Variants in SMC6 observed in about 807,000 individuals in gnomAD.
The protein encoded by SMC6 is structural maintenance of chromosomes protein 6.
In SMC6, 79 loss-of-function variants were observed where a neutral mutation model predicts 142.2. That is an observed-to-expected ratio of 0.56 (90% CI 0.46 to 0.67). The LOEUF (loss-of-function observed/expected upper bound fraction) is 0.67, where lower values mean the gene tolerates loss of function less well. Ranked by LOEUF, SMC6 falls within the 30% of genes least tolerant of loss-of-function variation. The probability of loss-of-function intolerance (pLI) is 0.00; values close to 1 mark genes in which losing one functional copy is unlikely to be tolerated. For synonymous variants in SMC6, 411 were observed against 412.4 expected (o/e 1.00, Z 0.04); for missense variants, 1,072 against 1,284.0 (o/e 0.83, Z 2.52).
chr2:17,669,773 A>G (rs1483642777), intron 26 of SMC6, among the ~76,000 whole-genome samples: 1 of 152,214 alleles, frequency 6.6e-6, no homozygotes, highest in Admixed American at 6.5e-5. Context: ...AATAATTGCT[A>G]ATTTATGAGA....
In SMC6 at chr2:17,726,087, T is replaced by TAAAAAAAAAAAAAA. The variant is rs35471536; in HGVS notation, c.624+288_624+301dup. On this transcript the variant is annotated intron_variant, in intron 8 of 27. Coordinates refer to ENST00000448223, the MANE Select transcript of SMC6 (RefSeq NM_001142286.2). ...TGGAAGACAGAGCAAGGCTCTGTCTTAAAAAAAAAAAAAAAAAAAAAAAAA... is the reference window on the plus strand; with the variant it reads ...TGGAAGACAGAGCAAGGCTCTGTCTTAAAAAAAAAAAAAAAAAAAAAAAAAAAAAAAAAAAAAAA... Among the ~76,000 whole-genome samples the TAAAAAAAAAAAAAA allele has an allele frequency of 5.6e-4, 31 of 54,964 alleles. 3 individuals carry two copies. The highest frequency in any genetic ancestry group is 2.4e-3 in the African/African-American group (27 of 11,030). 36.1% of individuals were successfully genotyped at this position (54,964 alleles called of 152,430 possible).
chr2:17,748,254 C>A (rs1367977498), intron 2 of SMC6, among the ~76,000 whole-genome samples: 1 of 152,166 alleles, frequency 6.6e-6, no homozygotes, highest in Non-Finnish European at 1.5e-5. Flanking sequence ...CACCCTAGAG[C>A]AAGTGAATCA....
At chr2:17,722,643 T>C (rs1371197642) in intron 9 of SMC6, among the ~76,000 whole-genome samples, 1 of 152,160 alleles carries the variant, frequency 6.6e-6, no homozygotes, top group Non-Finnish European at 1.5e-5. Context: ...TCTATGAAGA[T>C]TATGTCATTA....
At chr2:17,749,453 G>C (rs1012265911) in intron 2 of SMC6, among the ~76,000 whole-genome samples, 1 of 152,198 alleles carries the variant, frequency 6.6e-6, no homozygotes, top group Non-Finnish European at 1.5e-5. Context: ...ACTTTGGGAG[G>C]CCAAGGCAGG....
In SMC6 at chr2:17,721,115, G is replaced by T. The variant is rs200233119; in HGVS notation, c.846+27C>A. The T allele has an allele frequency of 2.0e-3, 3,165 of 1,610,642 alleles. 6 individuals are homozygous for T. Among genetic ancestry groups the T allele is most frequent in the Admixed American group, 3.7e-3 (222 of 59,572 alleles). On this transcript the variant is annotated intron_variant, in intron 10 of 27. Coordinates refer to ENST00000448223, the MANE Select transcript of SMC6 (RefSeq NM_001142286.2). ...TACATTCTGCATATCACATAGATAC[G>T]TGAACAAGTAATTAAGTGATAATTA... is the stretch of plus-strand genomic sequence containing the variant.
chr2:17,703,774 CATACTGTATGGTATCAT>C (rs1213360555), intron 18 of SMC6, among the ~76,000 whole-genome samples: 1 of 151,994 alleles, frequency 6.6e-6, no homozygotes, highest in Non-Finnish European at 1.5e-5. Context: ...GAATATATGA[CATACTGTATGGTATCAT>C]ATACTGTATT....
chr2:17,666,318 A>T (rs1448285161), intron 27 of SMC6, 102 bp downstream of exon 27: 1 of 783,494 alleles, frequency 1.3e-6, no homozygotes, highest in African/African-American at 1.7e-5. Context: ...TTTTATTTTC[A>T]TTGGTCTTGT....
chr2:17,748,852 G>A (rs748302278), intron 2 of SMC6, among the ~76,000 whole-genome samples: 2 of 152,176 alleles, frequency 1.3e-5, no homozygotes, highest in African/African-American at 2.4e-5. Flanking sequence ...AATGGATAAC[G>A]CACTAGGGAA....
intron 3 of SMC6, among the ~76,000 whole-genome samples, chr2:17,745,333 C>A (rs1017711858): frequency 2.0e-5 from 3 of 152,038 alleles, no homozygotes; most frequent in South Asian, 2.1e-4. Context: ...CTGTAGATTT[C>A]TTTTATAGGA....
At chr2:17,697,383 A>T (rs952386331) in intron 21 of SMC6, among the ~76,000 whole-genome samples, 1 of 152,098 alleles carries the variant, frequency 6.6e-6, no homozygotes, top group African/African-American at 2.4e-5. Context: ...ACAGGTCAAT[A>T]CAAAATTCAG....
intron 12 of SMC6, 43 bp downstream of exon 12, chr2:17,718,034 G>T (rs750921230): frequency 6.4e-7 from 1 of 1,562,410 alleles, no homozygotes; most frequent in Non-Finnish European, 8.7e-7. Context: ...CTTTATATTT[G>T]CTGTGTGGCT....
chr2:17,691,444 G>A (rs114048127), intron 23 of SMC6, among the ~76,000 whole-genome samples: 1 of 116,426 alleles, frequency 8.6e-6, no homozygotes, highest in East Asian at 2.0e-4. Context: ...AATAGTTGCC[G>A]TTTTGAACCA....
At chr2:17,750,910 C>G (rs1670994190) in intron 2 of SMC6, among the ~76,000 whole-genome samples, 1 of 139,090 alleles carries the variant, frequency 7.2e-6, no homozygotes, top group African/African-American at 2.7e-5. Flanking sequence ...GAGGTTGAGG[C>G]AGGAGAATCA....
rs941921868 is a variant in SMC6, at chr2:17,678,761, G to A, written c.2910+98C>T. 4.8e-6 allele frequency: 4 copies of A among 832,702 alleles called. No individual in the cohort carries two copies. The African/African-American group carries it at 6.9e-5, about 14-fold the overall frequency. 51.6% of individuals were successfully genotyped at this position (832,702 alleles called of 1,614,324 possible). ...ACTGCACTCCAGCCTGGGCAACAGA[G>A]TAAGACTCTGCCTCTAAAAAAAACC... On this transcript the variant is annotated intron_variant, in intron 25 of 27. Transcript: ENST00000448223.
At chr2:17,712,925 C>T (rs1668900137) in intron 16 of SMC6, among the ~76,000 whole-genome samples, 1 of 152,228 alleles carries the variant, frequency 6.6e-6, no homozygotes, top group African/African-American at 2.4e-5. Context: ...GTTTCAGCTA[C>T]CTGCTCCTGA....
intron 23 of SMC6, among the ~76,000 whole-genome samples, chr2:17,687,878 A>G (rs1036120600): frequency 6.6e-6 from 1 of 152,202 alleles, no homozygotes; most frequent in African/African-American, 2.4e-5. Flanking sequence ...TAACTTTAGA[A>G]CAGAGTAAAT....
intron 25 of SMC6, 85 bp downstream of exon 25, chr2:17,678,774 T>A: frequency 2.1e-6 from 2 of 968,630 alleles, no homozygotes; most frequent in Non-Finnish European, 3.1e-6. Flanking sequence ...AGACTCTGCC[T>A]CTAAAAAAAA....
chr2:17,709,289 T>C (rs1431043526), intron 16 of SMC6, among the ~76,000 whole-genome samples: 1 of 152,160 alleles, frequency 6.6e-6, no homozygotes, highest in Admixed American at 6.5e-5. Flanking sequence ...AAACAATCTT[T>C]TCCCTGATAT....
intron 5 of SMC6, among the ~76,000 whole-genome samples, chr2:17,734,149 A>G (rs1670034931): frequency 6.6e-6 from 1 of 152,152 alleles, no homozygotes; most frequent in Non-Finnish European, 1.5e-5. Context: ...CAAGACACAC[A>G]GAGACAGCCA....
Sources: gnomAD v4.1 joint callset for allele counts (sites outside exome capture counted in the v4.1 genomes callset) on GRCh38, gnomAD v4.1.1 for gene constraint, MANE v1.5 for transcripts, NCBI Gene and HGNC (gene_info 2026-07-23, HGNC 2026-07-21) for gene names.